The following PLXNA4 variants were observed in gnomAD, a reference collection of about 807,000 sequenced individuals.
The protein encoded by PLXNA4 is plexin-A4.
PLXNA4 carries 44 observed loss-of-function variants against 191.8 expected under a neutral mutation model. That is an observed-to-expected ratio of 0.23 (90% CI 0.18 to 0.29). The LOEUF is 0.29. Among genes scored for constraint, PLXNA4 ranks in the 10% least tolerant of loss-of-function variants. The pLI is 1.00. For missense variants in PLXNA4, 1,800 were observed against 2,488.8 expected (o/e 0.72, Z 5.89); for synonymous variants, 1,082 against 1,009.5 (o/e 1.07, Z -1.36).
chr7:132,234,114 G>A (rs1441827904), intron 5 of PLXNA4, among the ~76,000 whole-genome samples: 3 of 152,064 alleles, frequency 2.0e-5, no homozygotes, highest in Non-Finnish European at 2.9e-5. Flanking sequence ...GGCAGGAGAA[G>A]GGAAAAAGGA....
intron 3 of PLXNA4, among the ~76,000 whole-genome samples, chr7:132,438,921 T>C (rs1388837185): frequency 1.3e-5 from 2 of 152,158 alleles, no homozygotes; most frequent in African/African-American, 2.4e-5. Context: ...ATGAAACATA[T>C]GGATGTATTA....
At chr7:132,154,288 C>T (rs751239162) in intron 25 of PLXNA4, among the ~76,000 whole-genome samples, 2 of 152,080 alleles carry the variant, frequency 1.3e-5, no homozygotes, top group East Asian at 1.9e-4. Flanking sequence ...CACCTGGCCA[C>T]GCTGAAGTGC....
At chr7:132,435,780 C>T (rs1219900796) in intron 3 of PLXNA4, among the ~76,000 whole-genome samples, 1 of 152,136 alleles carries the variant, frequency 6.6e-6, no homozygotes, top group Non-Finnish European at 1.5e-5. Flanking sequence ...TCTCCCTTCC[C>T]CTTCCTACAC....
At chr7:132,435,531 G>T (rs147803137) in intron 3 of PLXNA4, among the ~76,000 whole-genome samples, 15 of 152,296 alleles carry the variant, frequency 9.8e-5, no homozygotes, top group Non-Finnish European at 2.2e-4. Flanking sequence ...CAAAGGAGGG[G>T]TGAGGCTCAC....
At chr7:132,228,539 T>G (rs1255103723) in intron 5 of PLXNA4, 70 bp from the exon 6 acceptor site, 3 of 1,588,830 alleles carry the variant, frequency 1.9e-6, no homozygotes, top group African/African-American at 2.7e-5. Flanking sequence ...GATGCTGAGG[T>G]CAGGTGTTTC....
At chr7:132,423,757 A>G (rs1794936496) in intron 3 of PLXNA4, among the ~76,000 whole-genome samples, 1 of 152,062 alleles carries the variant, frequency 6.6e-6, no homozygotes, top group Non-Finnish European at 1.5e-5. Flanking sequence ...GCTGATTGTG[A>G]CTGGTCCTCC....
intron 3 of PLXNA4, chr7:132,385,038 CT>C (rs1454840684): frequency 2.7e-6 from 4 of 1,455,350 alleles, no homozygotes; most frequent in African/African-American, 1.4e-5. Context: ...TCTCCAAAGT[CT>C]TTTTTCCCTA....
At chr7:132,639,484 G>T (rs866766728) in intron 2 of PLXNA4, among the ~76,000 whole-genome samples, 2 of 152,158 alleles carry the variant, frequency 1.3e-5, no homozygotes, top group African/African-American at 4.8e-5. Flanking sequence ...TATAATATTT[G>T]CCACTCAGCT....
intron 2 of PLXNA4, among the ~76,000 whole-genome samples, chr7:132,603,443 G>T (rs1386390853): frequency 2.0e-5 from 3 of 152,154 alleles, no homozygotes; most frequent in Non-Finnish European, 4.4e-5. Context: ...CAGTGATTGT[G>T]TCTGGTCTCT....
At chr7:132,640,974 C>A (rs1323855881) in intron 2 of PLXNA4, among the ~76,000 whole-genome samples, 2 of 152,232 alleles carry the variant, frequency 1.3e-5, no homozygotes, top group African/African-American at 4.8e-5. Context: ...GCTTCTGAAT[C>A]ACTTTCCAAC....
At chr7:132,518,470 G>T (rs1799032136) in intron 1 of PLXNA4, among the ~76,000 whole-genome samples, 1 of 152,028 alleles carries the variant, frequency 6.6e-6, no homozygotes, top group South Asian at 2.1e-4. Flanking sequence ...GCTTCCCTCT[G>T]CCTCTGCTTC....
chr7:132,433,853 T>C (rs1019018071), intron 3 of PLXNA4, among the ~76,000 whole-genome samples: 2 of 152,048 alleles, frequency 1.3e-5, no homozygotes, highest in African/African-American at 4.8e-5. Flanking sequence ...ATACCCTCAT[T>C]CCATTCAGTT....
intron 3 of PLXNA4, chr7:132,385,239 G>A: frequency 6.8e-6 from 11 of 1,614,074 alleles, no homozygotes; most frequent in Non-Finnish European, 9.3e-6. Context: ...CTGTTGCTCT[G>A]TGGGATCGGG....
chr7:132,562,057 C>A (rs1307385506), intron 1 of PLXNA4, among the ~76,000 whole-genome samples: 1 of 122,786 alleles, frequency 8.1e-6, no homozygotes, highest in Non-Finnish European at 1.7e-5. Flanking sequence ...TCCTCTCCCT[C>A]CTCCTTCTCC....
chr7:132,319,872 G>C (rs1483961767), intron 3 of PLXNA4, among the ~76,000 whole-genome samples: 1 of 151,960 alleles, frequency 6.6e-6, no homozygotes, highest in Admixed American at 6.6e-5. Context: ...CTCTCCACTT[G>C]CTTCCTTCCC....
At chr7:132,373,479 G>T (rs563706066) in intron 3 of PLXNA4, among the ~76,000 whole-genome samples, 153 of 152,272 alleles carry the variant, frequency 1.0e-3, no homozygotes, top group African/African-American at 3.6e-3. Context: ...GTTCGATTTT[G>T]TGTGTCTGGC....
upstream of PLXNA4, among the ~76,000 whole-genome samples, chr7:132,578,601 C>A (rs1802341888): frequency 6.6e-6 from 1 of 152,128 alleles, no homozygotes; most frequent in African/African-American, 2.4e-5. Flanking sequence ...CTTAAACAAG[C>A]CCCAAGGTGA....
chr7:132,605,120 G>A (rs377431652), intron 2 of PLXNA4, among the ~76,000 whole-genome samples: 6 of 152,192 alleles, frequency 3.9e-5, no homozygotes, highest in African/African-American at 9.7e-5. Context: ...CACAACTTAC[G>A]AGATTGGCAC....
chr7:132,442,634 C>T (rs148925545), intron 3 of PLXNA4, among the ~76,000 whole-genome samples: 2 of 152,294 alleles, frequency 1.3e-5, no homozygotes, highest in East Asian at 3.9e-4. Flanking sequence ...AGTCCCCCTC[C>T]GCAAACTTCC....
Sources: gnomAD v4.1 joint callset for allele counts (sites outside exome capture counted in the v4.1 genomes callset) on GRCh38, gnomAD v4.1.1 for gene constraint, MANE v1.5 for transcripts, NCBI Gene and HGNC (gene_info 2026-07-23, HGNC 2026-07-21) for gene names.